Variants in RAI1 observed in about 807,000 individuals in gnomAD.
The protein encoded by RAI1 is retinoic acid induced 1.
In RAI1, 9 loss-of-function variants were observed where a neutral mutation model predicts 123.8. That is an observed-to-expected ratio of 0.07 (90% confidence interval 0.04 to 0.13). RAI1 has a LOEUF of 0.13. Among genes scored for constraint, RAI1 ranks in the 10% least tolerant of loss-of-function variants. RAI1 has a pLI of 1.00. For synonymous variants in RAI1, 1,231 were observed against 1,127.3 expected, an observed-to-expected ratio of 1.09 and a Z score of -1.84; for missense variants, 2,256 against 2,545.8, an observed-to-expected ratio of 0.89 and a Z score of 2.45.
chr17:17,720,905 TCCAGGGAGTCC>T (rs919927728), intron 1 of RAI1, among the ~76,000 whole-genome samples: 28 of 152,142 alleles, frequency 1.8e-4, no homozygotes, highest in African/African-American at 6.3e-4. Context: ...CCCCAGGAGC[TCCAGGGAGTCC>T]CCAGGGAGCC....
At chr17:17,802,534 T>C (rs977661386) in intron 3 of RAI1, among the ~76,000 whole-genome samples, 6 of 152,010 alleles carry the variant, frequency 3.9e-5, no homozygotes, top group African/African-American at 1.2e-4. Context: ...CCCAGCACTT[T>C]GGGAGGCTGA....
chr17:17,701,826 T>G (rs905639238), intron 1 of RAI1, among the ~76,000 whole-genome samples: 12 of 152,178 alleles, frequency 7.9e-5, no homozygotes, highest in East Asian at 3.9e-4. Context: ...GACCAAAGCC[T>G]GAAGCATTGC....
chr17:17,753,377 C>T (rs570325085), intron 2 of RAI1, among the ~76,000 whole-genome samples: 1 of 152,258 alleles, frequency 6.6e-6, no homozygotes, highest in Admixed American at 6.5e-5. Context: ...GGTAGAGCAG[C>T]GAGAAAATCT....
chr17:17,724,742 C>T (rs1916020403), intron 2 of RAI1, among the ~76,000 whole-genome samples: 1 of 152,086 alleles, frequency 6.6e-6, no homozygotes, highest in Non-Finnish European at 1.5e-5. Flanking sequence ...CGCCTCCAGG[C>T]GCTTCCTCGG....
chr17:17,682,901 G>A (rs1914489698), intron 1 of RAI1, among the ~76,000 whole-genome samples: 1 of 152,120 alleles, frequency 6.6e-6, no homozygotes, highest in Admixed American at 6.5e-5. Flanking sequence ...GTGTAACAAT[G>A]CGCCGGTGGG....
chr17:17,703,039 G>T (rs939877815), intron 1 of RAI1, among the ~76,000 whole-genome samples: 1 of 152,206 alleles, frequency 6.6e-6, no homozygotes, highest in African/African-American at 2.4e-5. Context: ...TGTAGTAAGT[G>T]CTCAATAAAT....
At chr17:17,746,132 C>T (rs1427898598) in intron 2 of RAI1, among the ~76,000 whole-genome samples, 1 of 152,194 alleles carries the variant, frequency 6.6e-6, no homozygotes, top group African/African-American at 2.4e-5. Context: ...CGGCAGCCGG[C>T]GGGGCCTTTG....
At chr17:17,715,801 C>T (rs918391958) in intron 1 of RAI1, among the ~76,000 whole-genome samples, 2 of 152,196 alleles carry the variant, frequency 1.3e-5, no homozygotes, top group African/African-American at 4.8e-5. Context: ...ATCCGATCCT[C>T]GCCCCTTTGC....
intron 2 of RAI1, among the ~76,000 whole-genome samples, chr17:17,745,404 T>TG: frequency 6.7e-6 from 1 of 149,690 alleles, no homozygotes; most frequent in African/African-American, 2.5e-5. Context: ...ATTGAAGGCT[T>TG]TTGTGTGTGT....
intron 4 of RAI1, 85 bp downstream of exon 4, chr17:17,803,934 C>A: frequency 7.7e-7 from 1 of 1,296,668 alleles, no homozygotes; most frequent in Non-Finnish European, 1.1e-6. Context: ...CTCCCCAAAC[C>A]CAGGCCCCAT....
chr17:17,776,352 C>A (rs969043226), intron 2 of RAI1, among the ~76,000 whole-genome samples: 7 of 152,142 alleles, frequency 4.6e-5, no homozygotes. Context: ...ATGCAATTTC[C>A]TTTTTATACA....
intron 2 of RAI1, among the ~76,000 whole-genome samples, chr17:17,783,812 C>A (rs1458723411): frequency 6.6e-6 from 1 of 152,150 alleles, no homozygotes; most frequent in Non-Finnish European, 1.5e-5. Context: ...ATGGCCTAGT[C>A]GCAGACCCTA....
chr17:17,795,914 A>G lies in RAI1; in HGVS notation c.2966A>G (p.Lys989Arg). ...PAVPEAPIAK[K>R]EPVPRGKSLR... ...GTGCCCGAGGCGCCCATCGCAAAGA[A>G]AGAGCCTGTGCCACGGGGCAAAAGC... The change falls in exon 3 of 6, where the codon AAA (lysine) becomes AGA (arginine). Residue 989 changes from lysine (K) to arginine (R), a missense_variant. Physicochemically the swap from Lys to Arg is conservative, Grantham distance 26 (BLOSUM62 2). Coordinates refer to ENST00000353383, the MANE Select transcript of RAI1 (RefSeq NM_030665.4). The surrounding 1 kb of genome is among the most constrained non-coding windows in gnomAD (Gnocchi z 5.9). The G allele has an allele frequency of 6.2e-7, 1 of 1,610,712 alleles. No individual in the cohort carries two copies. Among genetic ancestry groups the G allele is most frequent in the African/African-American group, 1.3e-5 (1 of 74,996 alleles).
intron 2 of RAI1, among the ~76,000 whole-genome samples, chr17:17,761,332 C>T (rs2030688520): frequency 6.6e-6 from 1 of 151,846 alleles, no homozygotes; most frequent in African/African-American, 2.4e-5. Context: ...GGCACACATG[C>T]AGCCACCAGA....
chr17:17,708,959 G>A (rs996192425), intron 1 of RAI1, among the ~76,000 whole-genome samples: 5 of 152,238 alleles, frequency 3.3e-5, no homozygotes, highest in Admixed American at 1.3e-4. Flanking sequence ...GGAACAGTTC[G>A]TCAGTCCACC....
chr17:17,736,888 GA>G (rs1340376277), intron 2 of RAI1, among the ~76,000 whole-genome samples: 1 of 152,110 alleles, frequency 6.6e-6, no homozygotes, highest in Non-Finnish European at 1.5e-5. Flanking sequence ...AGTATTTCTG[GA>G]AATAAAATAG....
chr17:17,805,112 C>G (rs2032570183), intron 4 of RAI1, among the ~76,000 whole-genome samples: 1 of 152,190 alleles, frequency 6.6e-6, no homozygotes, highest in Non-Finnish European at 1.5e-5. Context: ...CCGCCCGCCT[C>G]AGCTGCCTAA....
chr17:17,762,953 T>C (rs959703563), intron 2 of RAI1, among the ~76,000 whole-genome samples: 4 of 151,674 alleles, frequency 2.6e-5, no homozygotes, highest in Admixed American at 6.6e-5. Context: ...ACCCTCCTGC[T>C]CCAGGTGGTT....
chr17:17,804,509 G>T (rs945205065), intron 4 of RAI1, among the ~76,000 whole-genome samples: 26 of 152,230 alleles, frequency 1.7e-4, no homozygotes, highest in African/African-American at 6.3e-4. Context: ...TTATCGACCA[G>T]GTGGGGAAAC....
Sources: allele counts gnomAD v4.1 joint callset (sites outside exome capture counted in the v4.1 genomes callset), GRCh38; gene constraint gnomAD v4.1.1; non-coding constraint Gnocchi (gnomAD v3.1); transcripts MANE v1.5; gene names NCBI Gene and HGNC (gene_info 2026-07-23, HGNC 2026-07-21).